DLG2: variants seen among roughly 807,000 people sequenced by gnomAD.
DLG2 encodes the protein discs large MAGUK scaffold protein 2, also known as disks large homolog 2.
In DLG2, 45 loss-of-function variants were observed where a neutral mutation model predicts 132.5. The observed-to-expected ratio is 0.34, with a 90% CI of 0.27 to 0.44. The LOEUF (loss-of-function observed/expected upper bound fraction) is 0.44. Ranked by LOEUF, DLG2 falls within the 20% of genes least tolerant of loss-of-function variation. The pLI is 1.00. For missense variants in DLG2, 1,045 were observed against 1,196.9 expected (o/e 0.87, Z 1.87); for synonymous variants, 424 against 419.6 (o/e 1.01, Z -0.13).
intron 4 of DLG2, among the ~76,000 whole-genome samples, chr11:85,181,055 C>T (rs1031647853): frequency 1.1e-4 from 17 of 151,600 alleles, no homozygotes; most frequent in Non-Finnish European, 1.5e-5. Flanking sequence ...ATTTAATATT[C>T]TTCAAGAATA....
chr11:85,482,318 G>C (rs532906353), intron 3 of DLG2, among the ~76,000 whole-genome samples: 212 of 152,202 alleles, frequency 1.4e-3, no homozygotes, highest in Non-Finnish European at 2.2e-3. Flanking sequence ...TGCCAGCTTG[G>C]CTCCCCTGGC....
intron 3 of DLG2, among the ~76,000 whole-genome samples, chr11:85,542,267 G>T (rs2076018585): frequency 6.6e-6 from 1 of 152,026 alleles, no homozygotes; most frequent in African/African-American, 2.4e-5. Flanking sequence ...CAAAAGAAAT[G>T]GGGCACCACC....
At chr11:84,110,545 C>T (rs2093284624) in intron 9 of DLG2, among the ~76,000 whole-genome samples, 1 of 152,022 alleles carries the variant, frequency 6.6e-6, no homozygotes, top group African/African-American at 2.4e-5. Flanking sequence ...GGGGAAGCAT[C>T]CAGAAAAGGC....
At chr11:85,414,391 T>G (rs2089627032) in intron 3 of DLG2, among the ~76,000 whole-genome samples, 1 of 151,998 alleles carries the variant, frequency 6.6e-6, no homozygotes, top group Non-Finnish European at 1.5e-5. Context: ...GCCCTTTATC[T>G]CTTCCTCTTG....
intron 2 of DLG2, among the ~76,000 whole-genome samples, chr11:85,626,124 CTA>C (rs1166564146): frequency 1.3e-5 from 2 of 152,202 alleles, no homozygotes; most frequent in Non-Finnish European, 2.9e-5. Context: ...AATAATAAGT[CTA>C]TTTTTTAACC....
intron 11 of DLG2, among the ~76,000 whole-genome samples, chr11:83,997,962 T>C (rs539559481): frequency 5.3e-5 from 8 of 151,172 alleles, no homozygotes; most frequent in African/African-American, 1.9e-4. Context: ...TGAAACCCTA[T>C]CTCTACTAAA....
intron 18 of DLG2, 64 bp from the exon 19 acceptor site, chr11:83,633,389 A>G: frequency 7.7e-7 from 1 of 1,302,850 alleles, no homozygotes; most frequent in Non-Finnish European, 1.1e-6. Flanking sequence ...AATGCTGCAC[A>G]GCCCAGGCAG....
intron 6 of DLG2, among the ~76,000 whole-genome samples, chr11:84,640,954 A>AAC (rs1159871241): frequency 1.5e-5 from 2 of 136,142 alleles, no homozygotes; most frequent in Non-Finnish European, 3.2e-5. Flanking sequence ...CAAACAAACA[A>AAC]AAAAAAAAAA....
chr11:85,343,174 A>G (rs2082611679), intron 3 of DLG2, among the ~76,000 whole-genome samples: 1 of 152,200 alleles, frequency 6.6e-6, no homozygotes, highest in Non-Finnish European at 1.5e-5. Flanking sequence ...ACCCAGGTTT[A>G]TGTATTGCAT....
chr11:85,297,332 T>C (rs570662973), intron 3 of DLG2, among the ~76,000 whole-genome samples: 12 of 152,180 alleles, frequency 7.9e-5, no homozygotes, highest in Non-Finnish European at 1.5e-4. Flanking sequence ...GTTTTTATGT[T>C]GCAAGAACCA....
intron 4 of DLG2, among the ~76,000 whole-genome samples, chr11:85,165,287 A>T (rs1308641599): frequency 1.3e-5 from 2 of 152,200 alleles, no homozygotes; most frequent in Non-Finnish European, 2.9e-5. Flanking sequence ...TGTTGACAAC[A>T]TAAAAAAAGA....
chr11:83,908,823 T>C (rs1320058673), intron 15 of DLG2, among the ~76,000 whole-genome samples: 1 of 152,124 alleles, frequency 6.6e-6, no homozygotes, highest in East Asian at 1.9e-4. Flanking sequence ...AACCTCGAAC[T>C]CCTAGGCTCA....
At chr11:83,850,346 G>C (rs2059530203) in intron 16 of DLG2, among the ~76,000 whole-genome samples, 1 of 152,024 alleles carries the variant, frequency 6.6e-6, no homozygotes, top group Non-Finnish European at 1.5e-5. Flanking sequence ...GTAGAGATGG[G>C]GTTTCACCGT....
intron 18 of DLG2, among the ~76,000 whole-genome samples, chr11:83,667,994 A>AAAAG (rs2075993963): frequency 6.8e-6 from 1 of 147,726 alleles, no homozygotes; most frequent in Non-Finnish European, 1.5e-5. Flanking sequence ...AAAAAAAAAA[A>AAAAG]AAAGAAATTA....
chr11:83,850,023 T>A (rs1421647910), intron 16 of DLG2, among the ~76,000 whole-genome samples: 2 of 151,996 alleles, frequency 1.3e-5, no homozygotes, highest in African/African-American at 4.8e-5. Flanking sequence ...ATAAATACAA[T>A]TTAGGTCCTG....
chr11:84,875,723 G>GA (rs2086241858), intron 6 of DLG2, among the ~76,000 whole-genome samples: 1 of 151,924 alleles, frequency 6.6e-6, no homozygotes, highest in South Asian at 2.1e-4. Flanking sequence ...AAAAGTAGAA[G>GA]AAAAATCTTA....
At chr11:84,248,787 A>T (rs923861949) in intron 8 of DLG2, among the ~76,000 whole-genome samples, 1 of 152,238 alleles carries the variant, frequency 6.6e-6, no homozygotes, top group Non-Finnish European at 1.5e-5. Flanking sequence ...GAGTCACTTG[A>T]ACCTGGGAGG....
At chr11:84,734,589 AC>A (rs1384737816) in intron 6 of DLG2, among the ~76,000 whole-genome samples, 14 of 152,242 alleles carry the variant, frequency 9.2e-5, no homozygotes, top group Admixed American at 2.6e-4. Context: ...GCAGACAGGG[AC>A]AATTTGACTT....
At chr11:85,400,733 G>A (rs1003995647) in intron 3 of DLG2, among the ~76,000 whole-genome samples, 2 of 150,592 alleles carry the variant, frequency 1.3e-5, no homozygotes, top group Non-Finnish European at 3.0e-5. Flanking sequence ...ATTGAACAAT[G>A]AGAACACATG....
Sources: gnomAD v4.1 joint callset for allele counts (sites outside exome capture counted in the v4.1 genomes callset) on GRCh38, gnomAD v4.1.1 for gene constraint, MANE v1.5 for transcripts, NCBI Gene and HGNC (gene_info 2026-07-23, HGNC 2026-07-21) for gene names.